PCGF5: variants seen among roughly 807,000 people sequenced by gnomAD.
PCGF5 encodes polycomb group ring finger 5.
PCGF5 carries 9 observed loss-of-function variants against 44.3 expected under a neutral mutation model. That is an observed-to-expected ratio of 0.20 (90% confidence interval 0.12 to 0.35). The LOEUF (loss-of-function observed/expected upper bound fraction) is 0.35, where lower values mean the gene tolerates loss of function less well. PCGF5 is among the 10% of genes least tolerant of loss of function. PCGF5 has a pLI of 1.00. For synonymous variants in PCGF5, 95 were observed against 102.5 expected, an observed-to-expected ratio of 0.93 and a Z score of 0.44; for missense variants, 146 against 305.3, an observed-to-expected ratio of 0.48 and a Z score of 3.89.
Position 91,278,492 on chromosome 10 carries a change from A to G in PCGF5, c.*176A>G, listed in dbSNP as rs1846371810. On this transcript the variant is annotated 3_prime_UTR_variant, in exon 10 of 10. Coordinates refer to ENST00000336126, the MANE Select transcript of PCGF5 (RefSeq NM_032373.5). Reference sequence around the variant, plus strand: ...CATTCATGTTGTTTCTATTAGGAGCAAACCAAGTGCCATTCTGCTACTGAA... The same window carrying G: ...CATTCATGTTGTTTCTATTAGGAGCGAACCAAGTGCCATTCTGCTACTGAA... 4.8e-6 allele frequency: 3 copies of G among 619,946 alleles called. No homozygotes were observed. In the South Asian group the frequency reaches 6.1e-5, roughly 13 times the overall value. 38.4% of individuals were successfully genotyped at this position (619,946 alleles called of 1,614,324 possible).
At chr10:91,248,036 G>C (rs1002909247) in intron 3 of PCGF5, among the ~76,000 whole-genome samples, 4 of 152,158 alleles carry the variant, frequency 2.6e-5, no homozygotes, top group African/African-American at 9.7e-5. Context: ...TAGCAGGGCA[G>C]CTTGGCTCTC....
chr10:91,207,663 CT>C (rs1350959141), intron 1 of PCGF5, among the ~76,000 whole-genome samples: 2 of 152,182 alleles, frequency 1.3e-5, no homozygotes, highest in African/African-American at 4.8e-5. Context: ...AAATCACACA[CT>C]GTATTTAGTT....
chr10:91,264,948 T>C (rs1027040241), intron 8 of PCGF5, among the ~76,000 whole-genome samples: 1 of 152,116 alleles, frequency 6.6e-6, no homozygotes, highest in African/African-American at 2.4e-5. Flanking sequence ...TAAATAATCT[T>C]CTTTCAGGTA....
At chr10:91,190,017 C>G (rs1225329252) in intron 1 of PCGF5, among the ~76,000 whole-genome samples, 2 of 152,140 alleles carry the variant, frequency 1.3e-5, no homozygotes, top group African/African-American at 4.8e-5. Flanking sequence ...GTTTGTGCTG[C>G]TACAACAAAG....
chr10:91,227,322 C>G (rs1201676576), intron 2 of PCGF5: 1 of 945,632 alleles, frequency 1.1e-6, no homozygotes, highest in Middle Eastern at 2.5e-4. Flanking sequence ...TTTTGGCTTA[C>G]GCTTTTCTTC....
intron 5 of PCGF5, among the ~76,000 whole-genome samples, 156 bp downstream of exon 5, chr10:91,248,880 G>T (rs373473374): frequency 6.6e-6 from 1 of 151,994 alleles, no homozygotes; most frequent in South Asian, 2.1e-4. Flanking sequence ...CTCTATATGA[G>T]ATTTTATATA....
chr10:91,190,143 G>A (rs548628821), intron 1 of PCGF5, among the ~76,000 whole-genome samples: 2 of 152,280 alleles, frequency 1.3e-5, no homozygotes, highest in South Asian at 4.1e-4. Flanking sequence ...CCCACTTCCT[G>A]GTTTCCAGGT....
At chr10:91,160,670 G>A (rs1207564917), upstream of PCGF5, among the ~76,000 whole-genome samples, 1 of 151,974 alleles carries the variant, frequency 6.6e-6, no homozygotes, top group Non-Finnish European at 1.5e-5. Context: ...GAGATATATG[G>A]GAACACAAAG....
chr10:91,267,587 A>C (rs915262880), intron 8 of PCGF5, among the ~76,000 whole-genome samples: 5 of 152,184 alleles, frequency 3.3e-5, no homozygotes, highest in Admixed American at 6.5e-5. Flanking sequence ...ATTTATCTGA[A>C]TCTCAGCTTC....
chr10:91,161,629 T>C (rs1294919216), upstream of PCGF5, among the ~76,000 whole-genome samples: 1 of 152,210 alleles, frequency 6.6e-6, no homozygotes, highest in Non-Finnish European at 1.5e-5. Flanking sequence ...GTTACTTAAG[T>C]GCCCATTATG....
chr10:91,220,667 G>T lies in PCGF5; in HGVS notation c.-353G>T, dbSNP rs1182448250. ...CCCCGAGGCCCGCCGCGCCCTGTCG[G>T]GCCTGAGCCGAGTGGCCCCACAGAG... On this transcript the variant is annotated 5_prime_UTR_variant, in exon 1 of 10. Transcript: ENST00000336126. The T allele has an allele frequency of 2.0e-5, 3 of 151,732 alleles. No individual in the cohort carries two copies. In the East Asian group the frequency reaches 5.8e-4, roughly 29 times the overall value. The allele number at this position is 151,732 out of a possible 1,614,324, so 9.4% of individuals were successfully genotyped here.
rs866368992 is a variant in PCGF5, at chr10:91,220,846, G to A, written c.-184+10G>A. The A allele has an allele frequency of 7.7e-4, 119 of 153,992 alleles. No individual in the cohort carries two copies. The highest frequency in any genetic ancestry group is 4.1e-4 in the South Asian group (2 of 4,842). 9.5% of individuals were successfully genotyped at this position (153,992 alleles called of 1,614,324 possible). On this transcript the variant is annotated intron_variant, in intron 1 of 9. Coordinates refer to ENST00000336126, the MANE Select transcript of PCGF5 (RefSeq NM_032373.5). Reference sequence around the variant, plus strand: ...CGGTGGCGGCCGCTGGGTAGGTACCGGGCGGGCTGGGGAGCTGCAGGGACG... The same window carrying A: ...CGGTGGCGGCCGCTGGGTAGGTACCAGGCGGGCTGGGGAGCTGCAGGGACG...
intron 1 of PCGF5, among the ~76,000 whole-genome samples, chr10:91,184,384 G>A (rs1047434956): frequency 6.6e-6 from 1 of 152,056 alleles, no homozygotes. Flanking sequence ...TGAAATCCTT[G>A]TAGTGTGTTT....
chr10:91,240,633 CT>C lies in PCGF5; in HGVS notation c.209+55del. ...CTAATTTACATAAATTGAATAGGCT[CT>C]TAATTTTTATTGTATGTCATAATAT... On this transcript the variant is annotated intron_variant, in intron 3 of 9. Transcript: ENST00000336126. The C allele has an allele frequency of 8.5e-6, 10 of 1,176,442 alleles. 1 individual carries two copies. The South Asian group carries it at 1.4e-4, about 16-fold the overall frequency. The allele number at this position is 1,176,442 out of a possible 1,614,324, so 72.9% of individuals were successfully genotyped here. A position where few individuals can be genotyped will look rare whatever the true frequency, so the allele number is the denominator to read the frequency against.
intron 1 of PCGF5, among the ~76,000 whole-genome samples, chr10:91,163,555 GC>G (rs1357821248): frequency 6.6e-6 from 1 of 152,100 alleles, no homozygotes; most frequent in East Asian, 1.9e-4. Context: ...CGGCGCTCGG[GC>G]CCTTCCCCCG....
rs372696858 is a variant in PCGF5 at position 91,222,927 on chromosome 10, A to G, written c.56A>G (p.Tyr19Cys). Residue 19 changes from tyrosine (Y) to cysteine (C), a missense_variant, in exon 2 of 10, where the codon TAT becomes TGT. By Grantham distance (194) the Tyr-to-Cys change is radical. This residue lies in a region of PCGF5 where 123 missense variants were observed against 268.6 expected (regional missense o/e 0.46). Coordinates refer to ENST00000336126, the MANE Select transcript of PCGF5 (RefSeq NM_032373.5). ...VKDFNPYITC[Y>C]ICKGYLIKPT... ...GATTTTAATCCTTACATTACCTGCT[A>G]TATCTGTAAAGGGTATCTGATCAAG... 8.7e-5 allele frequency: 140 copies of G among 1,613,444 alleles called. No individual in the cohort carries two copies. The highest frequency in any genetic ancestry group is 1.1e-4 in the Non-Finnish European group (135 of 1,179,468).
chr10:91,197,790 T>C (rs1844167671), intron 1 of PCGF5, among the ~76,000 whole-genome samples: 1 of 152,222 alleles, frequency 6.6e-6, no homozygotes, highest in African/African-American at 2.4e-5. Flanking sequence ...ATTTCAATTA[T>C]ATTTTACCTG....
At position 91,281,163 on chromosome 10, in the gene PCGF5, A is replaced by G. The variant is rs978437529; in HGVS notation, c.*2847A>G. On this transcript the variant is annotated 3_prime_UTR_variant, in exon 10 of 10. Coordinates refer to ENST00000336126, the MANE Select transcript of PCGF5 (RefSeq NM_032373.5). ...TCTAGATTAGCAAAACAGCTTTACA[A>G]AGTATGAAAAAATAAACTAAAATGC... 1 of 152,538 alleles carries G rather than the reference A, an allele frequency of 6.6e-6. No individual in the cohort carries two copies. The highest frequency in any genetic ancestry group is 2.4e-5 in the African/African-American group (1 of 41,466). The allele number at this position is 152,538 out of a possible 1,614,324, so 9.4% of individuals were successfully genotyped here. A position where few individuals can be genotyped will look rare whatever the true frequency, so the allele number is the denominator to read the frequency against.
At chr10:91,227,322 C>T (rs1201676576) in intron 2 of PCGF5, 28 of 945,514 alleles carry the variant, frequency 3.0e-5, no homozygotes, top group Non-Finnish European at 4.0e-5. Context: ...TTTTGGCTTA[C>T]GCTTTTCTTC....
Sources: allele counts gnomAD v4.1 joint callset (sites outside exome capture counted in the v4.1 genomes callset), GRCh38; gene constraint gnomAD v4.1.1; regional missense constraint gnomAD v4.1.1; transcripts MANE v1.5; gene names NCBI Gene and HGNC (gene_info 2026-07-23, HGNC 2026-07-21).